Variants in CRLF2 observed in about 807,000 individuals in gnomAD.
CRLF2 encodes the protein cytokine receptor like factor 2, also known as cytokine receptor-like factor 2.
Under a neutral mutation model 38.7 loss-of-function variants are expected in CRLF2, and 41 were observed. The observed-to-expected ratio is 1.06, with a 90% CI of 0.83 to 1.37. CRLF2 has a LOEUF of 1.37. Among genes scored for constraint, CRLF2 ranks in the 40% most tolerant of loss-of-function variants. The pLI is 0.00. For missense variants in CRLF2, 377 were observed against 322.2 expected (o/e 1.17, Z -1.30); for synonymous variants, 140 against 128.8 (o/e 1.09, Z -0.59).
At chrX:1,195,171 T>C (rs2086454912) in intron 6 of CRLF2, among the ~76,000 whole-genome samples, 1 of 151,680 alleles carries the variant, frequency 6.6e-6, no homozygotes, top group Non-Finnish European at 1.5e-5. Flanking sequence ...CCAGCCTGGG[T>C]GACAGAGTGA....
At chrX:1,194,464 A>G (rs1268936946) in intron 6 of CRLF2, among the ~76,000 whole-genome samples, 94,779 of 151,744 alleles carry the variant, frequency 0.62, 29,984 homozygotes, top group East Asian at 0.84. Context: ...TCAGTCTTAA[A>G]AAAATAAAAG....
intron 6 of CRLF2, among the ~76,000 whole-genome samples, chrX:1,196,075 TTC>T (rs2086469730): frequency 6.8e-5 from 10 of 147,516 alleles, no homozygotes; most frequent in South Asian, 4.2e-4. Context: ...GAGGTGGGGT[TTC>T]TTCATGTTGG....
intron 6 of CRLF2, among the ~76,000 whole-genome samples, chrX:1,193,548 C>T (rs1466248023): frequency 1.1e-4 from 17 of 151,956 alleles, no homozygotes; most frequent in East Asian, 2.0e-4. Context: ...GAGGCTGAGG[C>T]GGATGGATCA....
chrX:1,206,662 G>A, intron 2 of CRLF2, 63 bp from the exon 3 acceptor site: 2 of 1,516,782 alleles, frequency 1.3e-6, no homozygotes. Flanking sequence ...TTTATTTAGA[G>A]ATGGGGTCTT....
In CRLF2 at chrX:1,196,761, C is replaced by T. The variant is rs370850238; in HGVS notation, c.767+19G>A. On this transcript the variant is annotated intron_variant, in intron 6 of 7. Coordinates refer to ENST00000400841, the MANE Select transcript of CRLF2 (RefSeq NM_022148.4). ...GCAAGCAGGTCCCTCCACCCACGGG[C>T]GGCAGGAGTCATCCTTACCTCCATA... is the stretch of plus-strand genomic sequence containing the variant. The T allele has an allele frequency of 9.3e-5, 150 of 1,611,872 alleles. 2 individuals carry two copies. The South Asian group carries it at 1.5e-3, about 16-fold the overall frequency.
chrX:1,196,813 G>A lies in CRLF2; in HGVS notation c.734C>T (p.Ser245Phe), dbSNP rs1332883033. The A allele has an allele frequency of 1.9e-6, 3 of 1,613,104 alleles. No individual in the cohort carries two copies. The highest frequency in any genetic ancestry group is 2.2e-5 in the South Asian group (2 of 91,040). Residue 245 changes from serine to phenylalanine, a missense_variant, in exon 6 of 8, where the codon TCT becomes TTT. Physicochemically the swap from Ser to Phe is radical, Grantham distance 155. Transcript: ENST00000400841. ...TTTCCATAAAGACAGAAGGAGGAGA[G>A]ACACCATCAGAAGGATGGCCAGGCT... ...ISSLAILLMV[S>F]LLLLSLWKLW...
chrX:1,197,047 G>A, intron 5 of CRLF2, 147 bp from the exon 6 acceptor site: 5 of 550,566 alleles, frequency 9.1e-6, no homozygotes, highest in East Asian at 3.6e-5. Flanking sequence ...TTTGTTTTTT[G>A]TTTTGTTTTT....
chrX:1,191,354 T>TTCCTTCCTTCCTTCCTTCCTTCC (rs2086376270), intron 7 of CRLF2, among the ~76,000 whole-genome samples, 194 bp from the exon 8 acceptor site: 1 of 108,024 alleles, frequency 9.3e-6, no homozygotes, highest in African/African-American at 3.3e-5. Context: ...TCCTTCTTTC[T>TTCCTTCCTTCCTTCCTTCCTTCC]TTCTTTCCTT....
At chrX:1,194,656 T>C (rs1276590805) in intron 6 of CRLF2, among the ~76,000 whole-genome samples, 4 of 151,984 alleles carry the variant, frequency 2.6e-5, no homozygotes, top group Non-Finnish European at 4.4e-5. Flanking sequence ...TATTTGGAGA[T>C]GGGGAGTCTC....
intron 3 of CRLF2, among the ~76,000 whole-genome samples, chrX:1,203,095 CAAAAAAAAA>C (rs782280523): frequency 3.0e-5 from 2 of 66,942 alleles, no homozygotes; most frequent in African/African-American, 6.5e-5. Flanking sequence ...GAGACTATCT[CAAAAAAAAA>C]AAAAAAAAAA....
At chrX:1,193,781 CAAAAAAAAA>C (rs1176813644) in intron 6 of CRLF2, among the ~76,000 whole-genome samples, 1 of 58,990 alleles carries the variant, frequency 1.7e-5, no homozygotes, top group Non-Finnish European at 2.8e-5. Flanking sequence ...GACTCCATCT[CAAAAAAAAA>C]AAAAAAAAAA....
intron 1 of CRLF2, 112 bp downstream of exon 1, chrX:1,212,435 AAAAGAAAAG>A: frequency 3.4e-6 from 2 of 596,216 alleles, no homozygotes; most frequent in Non-Finnish European, 5.7e-6. Flanking sequence ...AAAAAAAAAA[AAAAGAAAAG>A]AAGAAAGAAA....
In CRLF2 at chrX:1,206,525, A is replaced by AGGAGG; in HGVS notation, c.252_256dup (p.Leu86ProfsTer3). 6.2e-7 allele frequency: 1 copy of AGGAGG among 1,613,604 alleles called. No individual in the cohort carries two copies. Among genetic ancestry groups the AGGAGG allele is most frequent in the Admixed American group, 1.7e-5 (1 of 59,982 alleles). On this transcript the variant is annotated frameshift_variant, in exon 3 of 8. Coordinates refer to ENST00000400841, the MANE Select transcript of CRLF2 (RefSeq NM_022148.4). LOFTEE classifies it high-confidence loss of function. ...AATGTCGTCTCGCTGCTCTGCGTCTAGGAGGCACCCCGAAGTGTGACCTTC... is the reference window on the plus strand; with the variant it reads ...AATGTCGTCTCGCTGCTCTGCGTCTAGGAGGGGAGGCACCCCGAAGTGTGACCTTC...
chrX:1,211,893 G>GTGGA (rs202035952), intron 1 of CRLF2, among the ~76,000 whole-genome samples: 1,334 of 57,794 alleles, frequency 0.023, 95 homozygotes, highest in Non-Finnish European at 0.032. Context: ...GGGTGGATGG[G>GTGGA]TGGATGGATG....
chrX:1,202,527 T>C lies in CRLF2; in HGVS notation c.358A>G (p.Ser120Gly), dbSNP rs749534022. Residue 120 changes from serine (S) to glycine (G), a missense_variant, in exon 4 of 8, where the codon AGT (serine) becomes GGT (glycine). Coordinates refer to ENST00000400841, the MANE Select transcript of CRLF2 (RefSeq NM_022148.4). ...GAAAATCTCACGTGCTTCGGGGAAC[T>C]GGGTTTCACTGAGAAGAAGAAATAA... Reference protein sequence around the residue: ...SRWMVYYLKPSSPKHVRFSWH... With the variant: ...SRWMVYYLKPGSPKHVRFSWH... 1.2e-6 allele frequency: 2 copies of C among 1,613,700 alleles called. No individual in the cohort carries two copies. Among genetic ancestry groups the C allele is most frequent in the South Asian group, 1.1e-5 (1 of 91,072 alleles).
chrX:1,200,304 G>A (rs1312648269), intron 4 of CRLF2, among the ~76,000 whole-genome samples: 2 of 136,728 alleles, frequency 1.5e-5, no homozygotes, highest in Non-Finnish European at 3.2e-5. Context: ...GTGTATATAA[G>A]CTGTGCACAT....
intron 6 of CRLF2, among the ~76,000 whole-genome samples, chrX:1,194,940 G>A (rs1440011921): frequency 6.6e-6 from 1 of 152,114 alleles, no homozygotes; most frequent in Non-Finnish European, 1.5e-5. Context: ...GCTGAGGCAG[G>A]AGAATTGCTT....
chrX:1,191,676 CGT>C (rs2086383327), intron 7 of CRLF2, among the ~76,000 whole-genome samples: 17,494 of 151,400 alleles, frequency 0.12, 1,162 homozygotes, highest in African/African-American at 0.17. Context: ...GGATTACAGA[CGT>C]GCACCACCAC....
intron 3 of CRLF2, among the ~76,000 whole-genome samples, chrX:1,204,559 C>T (rs1395032323): frequency 6.7e-6 from 1 of 149,194 alleles, no homozygotes; most frequent in African/African-American, 2.5e-5. Context: ...ATTTATAAAT[C>T]GCCCAGGCTG....
Sources: allele counts gnomAD v4.1 joint callset (sites outside exome capture counted in the v4.1 genomes callset), GRCh38; gene constraint gnomAD v4.1.1; transcripts MANE v1.5; gene names NCBI Gene and HGNC (gene_info 2026-07-23, HGNC 2026-07-21).